MALRD1: variants seen among roughly 807,000 people sequenced by gnomAD.
The protein encoded by MALRD1 is MAM and LDL-receptor class A domain-containing protein 1.
MALRD1 carries 247 observed loss-of-function variants against 242.1 expected under a neutral mutation model. The observed-to-expected ratio is 1.02, with a 90% confidence interval of 0.92 to 1.13. MALRD1 has a LOEUF of 1.13. Among genes scored for constraint, MALRD1 ranks in the 50% most tolerant of loss-of-function variants. The pLI, the probability that MALRD1 is intolerant of heterozygous loss-of-function variation, is 0.00. For synonymous variants in MALRD1, 995 were observed against 866.6 expected (o/e 1.15, Z -2.60); for missense variants, 2,989 against 2,533.1 (o/e 1.18, Z -3.86).
chr10:19,200,194 A>T (rs1836458418), intron 14 of MALRD1, among the ~76,000 whole-genome samples: 1 of 152,198 alleles, frequency 6.6e-6, no homozygotes, highest in South Asian at 2.1e-4. Context: ...AATAAATAAG[A>T]TGATGTATGT....
chr10:19,431,465 A>G (rs542380402), intron 28 of MALRD1, among the ~76,000 whole-genome samples: 2 of 152,274 alleles, frequency 1.3e-5, no homozygotes, highest in South Asian at 2.1e-4. Context: ...CGATTCCCTT[A>G]TATGTATACA....
intron 38 of MALRD1, among the ~76,000 whole-genome samples, chr10:19,705,970 G>GAT (rs2131858298): frequency 6.6e-6 from 1 of 152,048 alleles, no homozygotes; most frequent in Admixed American, 6.6e-5. Context: ...GGTGCACCTT[G>GAT]ATATATGACT....
intron 26 of MALRD1, among the ~76,000 whole-genome samples, chr10:19,372,592 C>G (rs943021175): frequency 6.6e-6 from 1 of 151,858 alleles, no homozygotes; most frequent in Non-Finnish European, 1.5e-5. Context: ...CTTAGCCTCC[C>G]GAGTAGCTGG....
intron 36 of MALRD1, among the ~76,000 whole-genome samples, chr10:19,678,694 G>C (rs2131785003): frequency 6.6e-6 from 1 of 152,236 alleles, no homozygotes; most frequent in South Asian, 2.1e-4. Context: ...TGTTGAATAG[G>C]AGTGATGAAA....
At chr10:19,655,623 C>G (rs1383000007) in intron 36 of MALRD1, among the ~76,000 whole-genome samples, 1 of 140,904 alleles carries the variant, frequency 7.1e-6, no homozygotes, top group African/African-American at 2.6e-5. Flanking sequence ...AACATAATTG[C>G]TTTGTGAGAT....
intron 26 of MALRD1, among the ~76,000 whole-genome samples, chr10:19,384,798 C>G (rs1319330875): frequency 1.3e-5 from 2 of 148,660 alleles, no homozygotes; most frequent in Admixed American, 1.4e-4. Context: ...ACTACTAGTA[C>G]TAGTTTGAAT....
At chr10:19,615,606 TA>T (rs1839118359) in intron 35 of MALRD1, among the ~76,000 whole-genome samples, 1 of 151,012 alleles carries the variant, frequency 6.6e-6, no homozygotes, top group African/African-American at 2.4e-5. Flanking sequence ...AATAATTTTT[TA>T]AAAAGTCTTC....
chr10:19,354,729 A>G (rs769972567), intron 26 of MALRD1, among the ~76,000 whole-genome samples: 6 of 152,114 alleles, frequency 3.9e-5, no homozygotes, highest in Non-Finnish European at 8.8e-5. Context: ...TGTATTTCCA[A>G]ATAACTAGAG....
At chr10:19,210,107 A>G (rs184615975) in intron 18 of MALRD1, among the ~76,000 whole-genome samples, 84 of 152,312 alleles carry the variant, frequency 5.5e-4, no homozygotes, top group African/African-American at 1.8e-3. Context: ...TTCAACAATC[A>G]GTTCCTCTGA....
intron 9 of MALRD1, 85 bp from the exon 10 acceptor site, chr10:19,136,489 C>T (rs1833344148): frequency 1.3e-6 from 1 of 765,220 alleles, no homozygotes; most frequent in Non-Finnish European, 1.8e-6. Flanking sequence ...TTCTCAATAA[C>T]TACTTTGTCT....
At chr10:19,560,875 G>A (rs1018671775) in intron 32 of MALRD1, among the ~76,000 whole-genome samples, 23 of 152,036 alleles carry the variant, frequency 1.5e-4, no homozygotes, top group Middle Eastern at 3.4e-3. Context: ...GGGTTGATGG[G>A]TACAGAAAAC....
At chr10:19,113,228 G>T (rs1208948557) in intron 5 of MALRD1, among the ~76,000 whole-genome samples, 5 of 151,936 alleles carry the variant, frequency 3.3e-5, no homozygotes. Flanking sequence ...CTGCCTCCAG[G>T]ACAGAATTCA....
rs763030992 is a variant in MALRD1 at position 19,567,655 on chromosome 10, T to A, written c.5632T>A (p.Phe1878Ile). ...TGATTTGGATGGAAATGAGGACATC[T>A]TTATTGCTCTTGATGACATCTCTTT... is the stretch of plus-strand genomic sequence containing the variant. ...EADLDGNEDIFIALDDISFTP... is the reference protein window; with the variant it reads ...EADLDGNEDIIIALDDISFTP... Residue 1878 changes from phenylalanine (F) to isoleucine (I), a missense_variant, in exon 33 of 40, where the codon TTT becomes ATT. Transcript: ENST00000454679. The A allele has an allele frequency of 3.9e-5, 61 of 1,550,564 alleles. No homozygotes were observed. The highest frequency in any genetic ancestry group is 5.1e-5 in the Non-Finnish European group (58 of 1,146,934).
intron 36 of MALRD1, among the ~76,000 whole-genome samples, chr10:19,659,252 T>C (rs918647615): frequency 6.6e-6 from 1 of 152,184 alleles, no homozygotes; most frequent in African/African-American, 2.4e-5. Flanking sequence ...TAATAGCAAA[T>C]ATTCATAGAG....
At chr10:19,418,955 A>G (rs1308366379) in intron 28 of MALRD1, among the ~76,000 whole-genome samples, 1 of 152,100 alleles carries the variant, frequency 6.6e-6, no homozygotes, top group Admixed American at 6.5e-5. Context: ...TATTCTGTCT[A>G]TCCTGCCACA....
chr10:19,264,015 A>T (rs1839866865), intron 19 of MALRD1, among the ~76,000 whole-genome samples: 1 of 152,110 alleles, frequency 6.6e-6, no homozygotes. Flanking sequence ...TGTGATGTTA[A>T]CTTTGGGCTT....
At chr10:19,692,207 T>C in intron 36 of MALRD1, 75 bp from the exon 37 acceptor site, 1 of 1,103,536 alleles carries the variant, frequency 9.1e-7, no homozygotes, top group Non-Finnish European at 1.3e-6. Context: ...TTCATGATTT[T>C]ATCCCATGCC....
rs1431569862 is a variant in MALRD1 at position 19,512,236 on chromosome 10, C to T, written c.5320+13590C>T. Among the ~76,000 whole-genome samples, 12 of 152,222 alleles carry T rather than the reference C, an allele frequency of 7.9e-5. No homozygotes were observed. In the East Asian group the frequency reaches 2.1e-3, roughly 27 times the overall value. ...TTTTTTTACATGGTAAACATATACT[C>T]TGGCATAATACATTAAAGCTTGGCA... On this transcript the variant is annotated intron_variant, in intron 31 of 39. Transcript: ENST00000454679.
intron 5 of MALRD1, among the ~76,000 whole-genome samples, chr10:19,121,042 C>CA (rs1837042348): frequency 8.5e-6 from 1 of 117,166 alleles, no homozygotes; most frequent in African/African-American, 3.4e-5. Flanking sequence ...CTGTGCCCGG[C>CA]CTTTTTTTTT....
Sources: gnomAD v4.1 joint callset for allele counts (sites outside exome capture counted in the v4.1 genomes callset) on GRCh38, gnomAD v4.1.1 for gene constraint, MANE v1.5 for transcripts, NCBI Gene and HGNC (gene_info 2026-07-23, HGNC 2026-07-21) for gene names.